Variants in ADCY5 observed in about 807,000 individuals in gnomAD.
ADCY5 encodes the protein adenylate cyclase 5.
A neutral mutation model predicts 119.7 loss-of-function variants in ADCY5; 30 were observed. The ratio of observed to expected loss-of-function variants is 0.25; its 90% CI spans 0.19 to 0.34. ADCY5 has a LOEUF of 0.34. ADCY5 is among the 10% of genes least tolerant of loss of function. The pLI, the probability that ADCY5 is intolerant of heterozygous loss-of-function variation, is 1.00. For synonymous variants in ADCY5, 753 were observed against 762.2 expected, an observed-to-expected ratio of 0.99 and a Z score of 0.20; for missense variants, 1,324 against 1,775.2, an observed-to-expected ratio of 0.75 and a Z score of 4.57.
At chr3:123,332,860 T>G (rs2108412990) in intron 3 of ADCY5, among the ~76,000 whole-genome samples, 185 bp from the exon 4 acceptor site, 1 of 151,764 alleles carries the variant, frequency 6.6e-6, no homozygotes, top group Non-Finnish European at 1.5e-5. Flanking sequence ...GCTCAGGGGA[T>G]CCTCTCCCCT....
chr3:123,319,561 A>C (rs1941103726), intron 10 of ADCY5, 113 bp downstream of exon 10: 5 of 1,338,224 alleles, frequency 3.7e-6, no homozygotes, highest in Non-Finnish European at 5.1e-6. Context: ...GGGGAAACTG[A>C]GGCCACCCCT....
intron 12 of ADCY5, among the ~76,000 whole-genome samples, chr3:123,311,337 C>T (rs1021941709): frequency 1.6e-4 from 24 of 152,316 alleles, no homozygotes; most frequent in South Asian, 1.2e-3. Context: ...GAATTTCATA[C>T]GGTCAACCCA....
intron 1 of ADCY5, among the ~76,000 whole-genome samples, chr3:123,440,090 G>C (rs1455117597): frequency 6.6e-6 from 1 of 152,224 alleles, no homozygotes; most frequent in South Asian, 2.1e-4. Flanking sequence ...CTTAGAGTCT[G>C]CGTGCAGACG....
chr3:123,368,019 G>A, intron 1 of ADCY5: 1 of 1,490,932 alleles, frequency 6.7e-7, no homozygotes, highest in South Asian at 1.3e-5. Flanking sequence ...GGGCACCTCA[G>A]CAGGGATCCA....
In ADCY5 at chr3:123,284,016, G is replaced by A. The variant is rs1269989331; in HGVS notation, c.*592C>T. On this transcript the variant is annotated 3_prime_UTR_variant, in exon 21 of 21. Transcript: ENST00000462833. ...CTTGGCGTCCTCTTGCCTCCCCCTCGTAATTAGTTCTGTTTCCCTCCTAGG... is the reference window on the plus strand; with the variant it reads ...CTTGGCGTCCTCTTGCCTCCCCCTCATAATTAGTTCTGTTTCCCTCCTAGG... 3.9e-5 allele frequency: 6 copies of A among 152,166 alleles called. No homozygotes were observed. Among genetic ancestry groups the A allele is most frequent in the African/African-American group, 7.2e-5 (3 of 41,422 alleles). The allele number at this position is 152,166 out of a possible 1,614,324, so 9.4% of individuals were successfully genotyped here. A position where few individuals can be genotyped will look rare whatever the true frequency, so the allele number is the denominator to read the frequency against.
chr3:123,384,049 G>A (rs545012588), intron 1 of ADCY5, among the ~76,000 whole-genome samples: 2 of 152,240 alleles, frequency 1.3e-5, no homozygotes, highest in South Asian at 4.1e-4. Flanking sequence ...AGAGGGTAAG[G>A]GAGTCTGTCC....
chr3:123,300,021 G>A (rs778343585), intron 15 of ADCY5, 99 bp downstream of exon 15: 56 of 1,322,222 alleles, frequency 4.2e-5, no homozygotes, highest in Non-Finnish European at 5.3e-5. Context: ...TACTCTCCTC[G>A]CAAGTTCCCT....
chr3:123,371,312 G>C (rs1285118597), intron 1 of ADCY5, among the ~76,000 whole-genome samples: 1 of 152,166 alleles, frequency 6.6e-6, no homozygotes, highest in Admixed American at 6.5e-5. Flanking sequence ...TACTTCTCAA[G>C]GACTGTGTAA....
intron 1 of ADCY5, among the ~76,000 whole-genome samples, chr3:123,416,545 T>C (rs1349338841): frequency 1.3e-5 from 2 of 152,170 alleles, no homozygotes; most frequent in Non-Finnish European, 2.9e-5. Flanking sequence ...TCCTACCCGA[T>C]AGGGCTTTCA....
At chr3:123,319,525 T>G (rs1423932485) in intron 10 of ADCY5, 149 bp downstream of exon 10, 1 of 949,650 alleles carries the variant, frequency 1.1e-6, no homozygotes, top group Non-Finnish European at 1.5e-6. Context: ...AACTCGCATC[T>G]CTCTAGGTAG....
intron 1 of ADCY5, among the ~76,000 whole-genome samples, chr3:123,382,189 T>C (rs1253704490): frequency 6.6e-6 from 1 of 152,214 alleles, no homozygotes; most frequent in African/African-American, 2.4e-5. Flanking sequence ...AAGGACCAGA[T>C]ATCCTTTTAA....
intron 1 of ADCY5, among the ~76,000 whole-genome samples, chr3:123,440,705 GT>G (rs1356825975): frequency 6.6e-6 from 1 of 152,008 alleles, no homozygotes; most frequent in Non-Finnish European, 1.5e-5. Flanking sequence ...TCCTCAGTAG[GT>G]TTTCATACCC....
At chr3:123,399,101 T>C (rs1399995497) in intron 1 of ADCY5, among the ~76,000 whole-genome samples, 1 of 152,232 alleles carries the variant, frequency 6.6e-6, no homozygotes, top group Non-Finnish European at 1.5e-5. Flanking sequence ...CAAGGCAAGC[T>C]GGAGGGCCAA....
At position 123,448,651 on chromosome 3, in the gene ADCY5, C is replaced by T; in HGVS notation, c.-106G>A. 1 of 1,089,988 alleles carries T rather than the reference C, an allele frequency of 9.2e-7. No homozygotes were observed. Among genetic ancestry groups the T allele is most frequent in the Non-Finnish European group, 1.2e-6 (1 of 856,252 alleles). 67.5% of individuals were successfully genotyped at this position (1,089,988 alleles called of 1,614,324 possible). A position where few individuals can be genotyped will look rare whatever the true frequency, so the allele number is the denominator to read the frequency against. ...GCAGGGGGACCAGGCTAGGGTCACA[C>T]GTCGGGGGCGGCCCGGGGCCCTGCG... On this transcript the variant is annotated 5_prime_UTR_variant, in exon 1 of 21. It adds an upstream start codon to the 5' untranslated region. Coordinates refer to ENST00000462833, the MANE Select transcript of ADCY5 (RefSeq NM_183357.3).
intron 3 of ADCY5, among the ~76,000 whole-genome samples, chr3:123,334,440 T>C (rs1941930346): frequency 6.6e-6 from 1 of 152,218 alleles, no homozygotes; most frequent in South Asian, 2.1e-4. Flanking sequence ...TATTGGTACA[T>C]TAAGCATGTC....
chr3:123,431,895 G>A (rs896075061), intron 1 of ADCY5, among the ~76,000 whole-genome samples: 2 of 152,110 alleles, frequency 1.3e-5, no homozygotes, highest in African/African-American at 4.8e-5. Context: ...TGACCCCTCC[G>A]CTGATGAGGG....
At chr3:123,298,051 G>A (rs934486516) in intron 15 of ADCY5, among the ~76,000 whole-genome samples, 1 of 152,100 alleles carries the variant, frequency 6.6e-6, no homozygotes, top group Non-Finnish European at 1.5e-5. Flanking sequence ...CCAGGCTGCA[G>A]TGCAGTGGTG....
chr3:123,447,895 G>A lies in ADCY5; in HGVS notation c.651C>T (p.Arg217=), dbSNP rs1244923896. 6.2e-7 allele frequency: 1 copy of A among 1,611,856 alleles called. No homozygotes were observed. Among genetic ancestry groups the A allele is most frequent in the Non-Finnish European group, 8.5e-7 (1 of 1,179,226 alleles). ...ACCLALLQIF[R]SKKFPSDKLE... ...GTTTGTCCGACGGGAACTTCTTGGAGCGGAATATCTGCAGCAACGCCAGGC... is the reference window on the plus strand; with the variant it reads ...GTTTGTCCGACGGGAACTTCTTGGAACGGAATATCTGCAGCAACGCCAGGC... The change falls in exon 1 of 21, where the codon CGC becomes CGT. Residue 217 remains arginine (R), a synonymous_variant. Transcript: ENST00000462833.
chr3:123,447,271 C>T, intron 1 of ADCY5, 141 bp downstream of exon 1: 1 of 987,128 alleles, frequency 1.0e-6, no homozygotes, highest in Non-Finnish European at 1.4e-6. Context: ...TAAGAAGCTC[C>T]CAAATAGCCT....
Sources: allele counts gnomAD v4.1 joint callset (sites outside exome capture counted in the v4.1 genomes callset), GRCh38; gene constraint gnomAD v4.1.1; transcripts MANE v1.5; gene names NCBI Gene and HGNC (gene_info 2026-07-23, HGNC 2026-07-21).